Variants in IAH1 observed in about 807,000 individuals in gnomAD.
IAH1 encodes the protein isoamyl acetate-hydrolyzing esterase 1 homolog.
In IAH1, 24 loss-of-function variants were observed where a neutral mutation model predicts 26.7. That is an observed-to-expected ratio of 0.90 (90% CI 0.65 to 1.26). The LOEUF (loss-of-function observed/expected upper bound fraction) is 1.26. Among genes scored for constraint, IAH1 ranks in the 50% most tolerant of loss-of-function variants. The pLI is 0.00. For missense variants in IAH1, 300 were observed against 299.9 expected (o/e 1.00, Z 0.00); for synonymous variants, 140 against 118.5 (o/e 1.18, Z -1.18).
downstream of IAH1, chr2:9,491,288 A>ATGAC (rs1662123224): frequency 5.8e-6 from 4 of 691,172 alleles, no homozygotes; most frequent in Non-Finnish European, 9.6e-6. Context: ...GGCTCAACAG[A>ATGAC]TGACAATCCA....
chr2:9,491,265 G>C (rs1034205004), downstream of IAH1: 5 of 903,150 alleles, frequency 5.5e-6, no homozygotes, highest in Non-Finnish European at 8.5e-6. Flanking sequence ...CTGAGTTGTA[G>C]AAAGTGATAG....
At chr2:9,484,202 G>A (rs1192686186) in intron 4 of IAH1, among the ~76,000 whole-genome samples, 5 of 152,146 alleles carry the variant, frequency 3.3e-5, no homozygotes, top group South Asian at 4.1e-4. Context: ...AGAAGATTCC[G>A]GTTACCACTG....
Position 9,479,096 on chromosome 2 carries a change from G to A in IAH1, c.283+726G>A, listed in dbSNP as rs139118485. 5.1e-3 allele frequency among the ~76,000 whole-genome samples: 782 copies of A among 152,210 alleles called. 9 individuals carry two copies. The highest frequency in any genetic ancestry group is 0.018 in the African/African-American group (741 of 41,528). On this transcript the variant is annotated intron_variant, in intron 3 of 5. Coordinates refer to ENST00000497473, the MANE Select transcript of IAH1 (RefSeq NM_001039613.3). ...TGAAGGAACACCAACTGCAGTAAGA[G>A]GAATTCTTGCTCTCTAGGAGAAAGA...
chr2:9,499,110 CTTCTTT>C (rs1422318812), downstream of IAH1, among the ~76,000 whole-genome samples: 802 of 138,692 alleles, frequency 5.8e-3, 4 homozygotes, highest in African/African-American at 0.019. Flanking sequence ...TTTCTTTCTT[CTTCTTT>C]TTTTTTTTTT....
At chr2:9,477,761 A>G (rs1170853219) in intron 2 of IAH1, among the ~76,000 whole-genome samples, 1 of 152,096 alleles carries the variant, frequency 6.6e-6, no homozygotes, top group Non-Finnish European at 1.5e-5. Context: ...GTTGAAACAC[A>G]ACGAATGTAT....
rs1265779251 is a variant in IAH1, at chr2:9,474,680, CG to C, written c.81+35del. 1.4e-6 allele frequency: 2 copies of C among 1,480,348 alleles called. No homozygotes were observed. Among genetic ancestry groups the C allele is most frequent in the Non-Finnish European group, 9.1e-7 (1 of 1,099,436 alleles). The allele number at this position is 1,480,348 out of a possible 1,614,324, so 91.7% of individuals were successfully genotyped here. On this transcript the variant is annotated intron_variant, in intron 1 of 5. Transcript: ENST00000497473. The surrounding 1 kb of genome is among the most constrained non-coding windows in gnomAD (Gnocchi z 4.3). ...CGCCCCGACGCTCGGCCTCCCGCCC[CG>C]GCCTCCCTGCGGGGTCGCTGCCGAG... is the stretch of plus-strand genomic sequence containing the variant.
At chr2:9,480,634 T>C (rs1344036692) in intron 3 of IAH1, among the ~76,000 whole-genome samples, 1 of 152,216 alleles carries the variant, frequency 6.6e-6, no homozygotes, top group Non-Finnish European at 1.5e-5. Context: ...CAACAGTGGT[T>C]TTCTGGGTGG....
At chr2:9,483,541 T>C (rs888337427) in intron 4 of IAH1, among the ~76,000 whole-genome samples, 6 of 152,222 alleles carry the variant, frequency 3.9e-5, no homozygotes, top group African/African-American at 1.2e-4. Context: ...TGGGCCAGCA[T>C]AGGTCCTCCT....
At chr2:9,493,574 ACTAT>A (rs573153663), downstream of IAH1, among the ~76,000 whole-genome samples, 27 of 152,346 alleles carry the variant, frequency 1.8e-4, 1 homozygote, top group South Asian at 4.1e-4. Context: ...ACGGGGACAG[ACTAT>A]CTATGAGTTC....
downstream of IAH1, chr2:9,494,700 A>G (rs1283515986): frequency 7.4e-6 from 12 of 1,614,144 alleles, no homozygotes; most frequent in Non-Finnish European, 1.0e-5. Flanking sequence ...TCTTTTGTTC[A>G]GCATCGACAT....
At chr2:9,476,722 G>A (rs1660816193) in intron 2 of IAH1, among the ~76,000 whole-genome samples, 3 of 152,216 alleles carry the variant, frequency 2.0e-5, no homozygotes, top group Admixed American at 6.5e-5. Context: ...ATTGTCCAGG[G>A]GAGGAATGCC....
chr2:9,501,673 T>C, the IAH1 span, among the ~76,000 whole-genome samples: 1 of 152,232 alleles, frequency 6.6e-6, no homozygotes, highest in Admixed American at 6.5e-5. Context: ...ACTATTCCAG[T>C]GCATAGATTC....
upstream of IAH1, chr2:9,474,536 G>GCGGCC (rs1553350193): frequency 1.7e-6 from 2 of 1,200,478 alleles, no homozygotes; most frequent in East Asian, 3.1e-5. This position sits in a 1 kb window ranked among gnomAD's most constrained non-coding sequence, Gnocchi z 4.3. Flanking sequence ...CTCGTGGCTG[G>GCGGCC]CGGCCCCGCC....
rs1449720416 is a variant in IAH1 at position 9,474,864 on chromosome 2, C to T, written c.81+217C>T. Reference sequence around the variant, plus strand: ...AGGTCACGACGGCGTCCGCGAGAGCCCGGGCTCCAGGCACAGACGCGAGGG... The same window carrying T: ...AGGTCACGACGGCGTCCGCGAGAGCTCGGGCTCCAGGCACAGACGCGAGGG... On this transcript the variant is annotated intron_variant, in intron 1 of 5. Transcript: ENST00000497473. This position sits in a 1 kb window ranked among gnomAD's most constrained non-coding sequence, Gnocchi z 4.3. 1.3e-5 allele frequency: 7 copies of T among 538,372 alleles called. No homozygotes were observed. In the East Asian group the frequency reaches 2.7e-4, roughly 21 times the overall value. 33.3% of individuals were successfully genotyped at this position (538,372 alleles called of 1,614,324 possible).
intron 2 of IAH1, among the ~76,000 whole-genome samples, chr2:9,476,271 G>A (rs1660783983): frequency 6.6e-6 from 1 of 152,236 alleles, no homozygotes; most frequent in Admixed American, 6.5e-5. Flanking sequence ...ACAAATCAAG[G>A]AAATGGCCAA....
At chr2:9,476,293 T>C (rs912397036) in intron 2 of IAH1, among the ~76,000 whole-genome samples, 2 of 152,264 alleles carry the variant, frequency 1.3e-5, no homozygotes, top group Non-Finnish European at 2.9e-5. Flanking sequence ...GCCTCTTCCC[T>C]AGTCAGGGGC....
chr2:9,476,859 G>A (rs1660828464), intron 2 of IAH1, among the ~76,000 whole-genome samples: 1 of 152,194 alleles, frequency 6.6e-6, no homozygotes, highest in Non-Finnish European at 1.5e-5. Flanking sequence ...CCACCTGGAT[G>A]TATACGTGCA....
At chr2:9,498,763 T>C (rs1156704563), downstream of IAH1, among the ~76,000 whole-genome samples, 1 of 152,248 alleles carries the variant, frequency 6.6e-6, no homozygotes, top group Admixed American at 6.5e-5. Flanking sequence ...AAGGTTTATA[T>C]TGTGGATCAT....
the IAH1 span, among the ~76,000 whole-genome samples, chr2:9,509,369 T>C: frequency 6.6e-6 from 1 of 152,324 alleles, no homozygotes; most frequent in Middle Eastern, 3.4e-3. Context: ...CTGAAAGTGT[T>C]TTACAGTATC....
Sources: gnomAD v4.1 joint callset for allele counts (sites outside exome capture counted in the v4.1 genomes callset) on GRCh38, gnomAD v4.1.1 for gene constraint, Gnocchi (gnomAD v3.1) non-coding constraint, MANE v1.5 for transcripts, NCBI Gene and HGNC (gene_info 2026-07-23, HGNC 2026-07-21) for gene names.